Variants in CCR6 observed in about 807,000 individuals in gnomAD.
CCR6 encodes the protein C-C chemokine receptor type 6.
Under a neutral mutation model 3.0 loss-of-function variants are expected in CCR6, and 2 were observed. The observed-to-expected ratio is 0.66, with a 90% CI of 0.27 to 2.07. The LOEUF (loss-of-function observed/expected upper bound fraction) is 2.07, where lower values mean the gene tolerates loss of function less well. Ranked by LOEUF, CCR6 falls within the 30% of genes most tolerant of loss-of-function variation. The pLI, the probability that CCR6 is intolerant of heterozygous loss-of-function variation, is 0.14. For missense variants in CCR6, 322 were observed against 462.8 expected, an observed-to-expected ratio of 0.70 and a Z score of 2.79; for synonymous variants, 193 against 184.3, an observed-to-expected ratio of 1.05 and a Z score of -0.38.
At chr6:167,124,354 T>TA (rs1781636569) in intron 1 of CCR6, among the ~76,000 whole-genome samples, 1 of 151,566 alleles carries the variant, frequency 6.6e-6, no homozygotes, top group Non-Finnish European at 1.5e-5. Context: ...GTCTCCTCCT[T>TA]AGCCACTCTC....
rs1305225898 is a variant in CCR6 at position 167,137,539 on chromosome 6, A to G, written c.*184A>G. ...TCTTCAGGGTGGGGTGGTCTCTGAT[A>G]GGTAGCATTTTCCAGCACTTTGCAA... On this transcript the variant is annotated 3_prime_UTR_variant, in exon 3 of 3. Coordinates refer to ENST00000341935, the MANE Select transcript of CCR6 (RefSeq NM_031409.4). The surrounding 1 kb of genome is among the most constrained non-coding windows in gnomAD (Gnocchi z 4.6). 2 of 585,494 alleles carry G rather than the reference A, an allele frequency of 3.4e-6. No homozygotes were observed. The highest frequency in any genetic ancestry group is 4.5e-5 in the South Asian group (2 of 44,046). The allele number at this position is 585,494 out of a possible 1,614,324, so 36.3% of individuals were successfully genotyped here. A position where few individuals can be genotyped will look rare whatever the true frequency, so the allele number is the denominator to read the frequency against.
At chr6:167,126,474 CTG>C (rs1476808859) in intron 1 of CCR6, 2 of 152,262 alleles carry the variant, frequency 1.3e-5, no homozygotes, top group Non-Finnish European at 2.9e-5. Flanking sequence ...AAGATTCCTC[CTG>C]TGTTTGCCTT....
In CCR6 at chr6:167,136,554, C is replaced by T. The variant is rs2071171; in HGVS notation, c.324C>T (p.Thr108=). ...TLPFWAVSHA[T]GAWVFSNATC... is the part of the protein sequence containing the mutation. Reference sequence around the variant, plus strand: ...CATTCTGGGCAGTGAGTCATGCCACCGGTGCGTGGGTTTTCAGCAATGCCA... The same window carrying T: ...CATTCTGGGCAGTGAGTCATGCCACTGGTGCGTGGGTTTTCAGCAATGCCA... The change falls in exon 3 of 3, where the codon ACC becomes ACT. Residue 108 remains threonine, a synonymous_variant. Transcript: ENST00000341935. This position sits in a 1 kb window ranked among gnomAD's most constrained non-coding sequence, Gnocchi z 4.6. 976,914 of 1,598,914 alleles carry T rather than the reference C, an allele frequency of 0.61. 300,838 individuals carry two copies. The highest frequency in any genetic ancestry group is 0.74 in the Admixed American group (44,072 of 59,384).
upstream of CCR6, chr6:167,122,901 C>T (rs954455634): frequency 6.6e-6 from 1 of 152,372 alleles, no homozygotes; most frequent in African/African-American, 2.4e-5. This position sits in a 1 kb window ranked among gnomAD's most constrained non-coding sequence, Gnocchi z 4.2. Context: ...AGGCTGTCTT[C>T]CTCTGGGGAG....
chr6:167,131,171 A>T (rs369697219), intron 1 of CCR6: 19 of 152,348 alleles, frequency 1.2e-4, no homozygotes, highest in African/African-American at 3.8e-4. Flanking sequence ...GCTAGCATGG[A>T]ACCGTTATAT....
rs551731152 is a variant in CCR6, at chr6:167,134,117, G to A, written c.-97-1921G>A. ...CACTGTATTTGTTCTCCTCCTGCCAGGATCCATAATCCTGTGATGCCTAGT... is the reference window on the plus strand; with the variant it reads ...CACTGTATTTGTTCTCCTCCTGCCAAGATCCATAATCCTGTGATGCCTAGT... On this transcript the variant is annotated intron_variant, in intron 1 of 2. Transcript: ENST00000341935. Among the ~76,000 whole-genome samples the A allele has an allele frequency of 5.3e-5, 8 of 151,956 alleles. No homozygotes were observed. In the East Asian group the frequency reaches 1.3e-3, roughly 26 times the overall value.
chr6:167,131,120 C>T (rs905849943), intron 1 of CCR6: 1 of 152,238 alleles, frequency 6.6e-6, no homozygotes, highest in South Asian at 2.1e-4. Context: ...CTTCTGTTCA[C>T]CAAGAGTTAC....
chr6:167,133,932 GTATATATATATATATATA>G (rs6149918), intron 1 of CCR6, among the ~76,000 whole-genome samples: 43 of 110,398 alleles, frequency 3.9e-4, no homozygotes, highest in African/African-American at 1.3e-3. Context: ...ATATATGTGT[GTATATATATATATATATA>G]TATATATATA....
chr6:167,125,972 C>T (rs575998661), intron 1 of CCR6, among the ~76,000 whole-genome samples: 1 of 152,306 alleles, frequency 6.6e-6, no homozygotes, highest in Admixed American at 6.5e-5. Context: ...AATTGAAATT[C>T]AGAGGCTAAG....
At chr6:167,133,531 T>C (rs1439692297) in intron 1 of CCR6, among the ~76,000 whole-genome samples, 4 of 152,004 alleles carry the variant, frequency 2.6e-5, no homozygotes, top group Non-Finnish European at 5.9e-5. Flanking sequence ...GACTGGGTAG[T>C]GTGAGTCCTC....
intron 1 of CCR6, among the ~76,000 whole-genome samples, chr6:167,128,159 C>T (rs1015320556): frequency 6.6e-5 from 10 of 152,264 alleles, no homozygotes; most frequent in South Asian, 2.1e-4. Context: ...ATGATCTCTG[C>T]TTACCTCCAG....
chr6:167,118,672 A>C (rs1243473728), upstream of CCR6, among the ~76,000 whole-genome samples: 1 of 152,176 alleles, frequency 6.6e-6, no homozygotes, highest in Non-Finnish European at 1.5e-5. Context: ...AAAGGTATGA[A>C]CTTTTGGATC....
At chr6:167,113,016 A>G (rs1046732888) in intron 1 of CCR6, among the ~76,000 whole-genome samples, 1 of 151,804 alleles carries the variant, frequency 6.6e-6, no homozygotes, top group Non-Finnish European at 1.5e-5. Flanking sequence ...TTCCATTTGT[A>G]TAACAATCTC....
intron 1 of CCR6, among the ~76,000 whole-genome samples, chr6:167,125,886 ATAT>A (rs1430245993): frequency 6.6e-6 from 1 of 152,232 alleles, no homozygotes; most frequent in Non-Finnish European, 1.5e-5. Flanking sequence ...TATGTAAGAA[ATAT>A]TATTCTGGAA....
chr6:167,125,599 A>G (rs1213392488), intron 1 of CCR6, among the ~76,000 whole-genome samples: 1 of 152,230 alleles, frequency 6.6e-6, no homozygotes, highest in Non-Finnish European at 1.5e-5. Flanking sequence ...AGGTAGAGGC[A>G]CCGTTGAAGG....
chr6:167,133,932 G>GTGTGTATATATATATATATATATATA (rs1183741225), intron 1 of CCR6, among the ~76,000 whole-genome samples: 1 of 110,338 alleles, frequency 9.1e-6, no homozygotes, highest in Non-Finnish European at 1.7e-5. Flanking sequence ...ATATATGTGT[G>GTGTGTATATATATATATATATATATA]TATATATATA....
At chr6:167,114,867 C>A (rs1781470332) in intron 1 of CCR6, 2 of 152,184 alleles carry the variant, frequency 1.3e-5, no homozygotes, top group Admixed American at 6.5e-5. Context: ...CTTCACAGAT[C>A]CAAGGGAGGA....
chr6:167,133,402 C>A (rs1420882888), intron 1 of CCR6, among the ~76,000 whole-genome samples: 2 of 152,182 alleles, frequency 1.3e-5, no homozygotes, highest in African/African-American at 4.8e-5. Context: ...AGTTAAAAAT[C>A]AGTCCGCCAT....
intron 1 of CCR6, among the ~76,000 whole-genome samples, chr6:167,117,403 CTTTTTTTTTTTCT>C (rs1781511397): frequency 9.5e-6 from 1 of 105,022 alleles, no homozygotes; most frequent in African/African-American, 3.5e-5. Context: ...ACTCTATTTT[CTTTTTTTTTTTCT>C]TTTTTTTTTT....
Sources: gnomAD v4.1 joint callset for allele counts (sites outside exome capture counted in the v4.1 genomes callset) on GRCh38, gnomAD v4.1.1 for gene constraint, Gnocchi (gnomAD v3.1) non-coding constraint, MANE v1.5 for transcripts, NCBI Gene and HGNC (gene_info 2026-07-23, HGNC 2026-07-21) for gene names.